The following TNR variants were observed in gnomAD, a reference collection of about 807,000 sequenced individuals.
TNR encodes the protein tenascin R, also known as tenascin-R.
TNR carries 45 observed loss-of-function variants against 150.4 expected under a neutral mutation model. The observed-to-expected ratio is 0.30, with a 90% CI of 0.24 to 0.38. TNR has a LOEUF of 0.38. TNR is among the 10% of genes least tolerant of loss of function. The probability of loss-of-function intolerance (pLI) is 1.00; values close to 1 mark genes in which losing one functional copy is unlikely to be tolerated. For missense variants in TNR, 1,544 were observed against 1,759.1 expected (o/e 0.88, Z 2.19); for synonymous variants, 687 against 678.4 (o/e 1.01, Z -0.20).
chr1:175,429,746 A>G (rs1199972315), intron 2 of TNR, among the ~76,000 whole-genome samples: 1 of 152,168 alleles, frequency 6.6e-6, no homozygotes, highest in African/African-American at 2.4e-5. Flanking sequence ...ATGGAAGAAG[A>G]GTTTTGTATA....
intron 2 of TNR, among the ~76,000 whole-genome samples, chr1:175,467,838 CA>C (rs1185609350): frequency 6.6e-6 from 1 of 152,032 alleles, no homozygotes; most frequent in African/African-American, 2.4e-5. Context: ...CTCCATTGGG[CA>C]AAGAAATTAC....
At chr1:175,468,988 T>C (rs1657157122) in intron 2 of TNR, among the ~76,000 whole-genome samples, 1 of 151,816 alleles carries the variant, frequency 6.6e-6, no homozygotes, top group South Asian at 2.1e-4. Flanking sequence ...TTGAGAGATA[T>C]TTAGGAAGTA....
chr1:175,355,677 T>A (rs1208334634), intron 16 of TNR, 44 bp from the exon 17 acceptor site: 1 of 1,609,474 alleles, frequency 6.2e-7, no homozygotes, highest in Non-Finnish European at 8.5e-7. Flanking sequence ...CCTCTCCAGC[T>A]CCTCCCCCTG....
chr1:175,682,841 A>T (rs114665144), intron 1 of TNR, among the ~76,000 whole-genome samples: 131 of 152,260 alleles, frequency 8.6e-4, no homozygotes, highest in African/African-American at 3.0e-3. Flanking sequence ...CGCACTCTAC[A>T]TGGGTGCTGG....
rs996368473 is a variant in TNR, at chr1:175,635,518, C to T, written c.-164-107149G>A. The stretch of plus-strand genomic sequence containing the variant: ...TTTATCAAGTGCTTGGCAGGAGATA[C>T]GAAGTAGCAAGGAGGTAATTATCTT... On this transcript the variant is annotated intron_variant, in intron 1 of 22. Transcript: ENST00000367674. Among the ~76,000 whole-genome samples the T allele has an allele frequency of 3.9e-5, 6 of 152,234 alleles. No individual in the cohort carries two copies. The South Asian group carries it at 6.2e-4, about 16-fold the overall frequency.
intron 1 of TNR, among the ~76,000 whole-genome samples, chr1:175,634,480 C>T (rs1224990524): frequency 6.6e-6 from 1 of 152,188 alleles, no homozygotes; most frequent in Non-Finnish European, 1.5e-5. Flanking sequence ...GTCTGACTAT[C>T]TCAGATGAGT....
At chr1:175,366,195 A>T in intron 10 of TNR, 57 bp from the exon 11 acceptor site, 2 of 1,518,012 alleles carry the variant, frequency 1.3e-6, no homozygotes, top group Non-Finnish European at 8.9e-7. Context: ...GGCAGTATTT[A>T]TTGGCCTGCT....
chr1:175,640,223 G>A (rs915612687), intron 1 of TNR, among the ~76,000 whole-genome samples: 1 of 152,196 alleles, frequency 6.6e-6, no homozygotes, highest in Non-Finnish European at 1.5e-5. Flanking sequence ...AAAGTTCTGG[G>A]ACCACAGAAT....
intron 1 of TNR, among the ~76,000 whole-genome samples, chr1:175,537,605 C>T (rs185811705): frequency 1.1e-4 from 16 of 152,294 alleles, no homozygotes; most frequent in Admixed American, 4.6e-4. Flanking sequence ...ATCATCATCT[C>T]CCCCGGATCT....
intron 1 of TNR, among the ~76,000 whole-genome samples, chr1:175,662,679 T>C (rs1223754618): frequency 6.6e-6 from 1 of 152,234 alleles, no homozygotes; most frequent in Non-Finnish European, 1.5e-5. Flanking sequence ...GTCTGTAACC[T>C]GTCCTCAGGA....
intron 1 of TNR, among the ~76,000 whole-genome samples, chr1:175,719,569 G>C (rs549359630): frequency 7.2e-5 from 11 of 152,334 alleles, no homozygotes; most frequent in African/African-American, 2.6e-4. Context: ...ACTTAGAATT[G>C]TCCTGGGATG....
chr1:175,676,922 G>A (rs987727197), intron 1 of TNR, among the ~76,000 whole-genome samples: 4 of 152,316 alleles, frequency 2.6e-5, no homozygotes, highest in Non-Finnish European at 2.9e-5. Flanking sequence ...ACCCTCCTGC[G>A]ACACTGGGAG....
intron 8 of TNR, among the ~76,000 whole-genome samples, chr1:175,383,012 C>T (rs1441515837): frequency 6.6e-6 from 1 of 152,146 alleles, no homozygotes; most frequent in Non-Finnish European, 1.5e-5. Flanking sequence ...CCTCTCCTAG[C>T]TGCTAGTGAT....
intron 1 of TNR, among the ~76,000 whole-genome samples, chr1:175,585,246 G>T (rs1208801651): frequency 2.0e-5 from 3 of 152,142 alleles, no homozygotes; most frequent in African/African-American, 7.2e-5. Context: ...TTTGCCTAAG[G>T]TCATATAACT....
In TNR at chr1:175,396,738, G is replaced by A. The variant is rs1364498033; in HGVS notation, c.1046C>T (p.Pro349Leu). 5 of 1,614,138 alleles carry A rather than the reference G, an allele frequency of 3.1e-6. No individual in the cohort carries two copies. Among genetic ancestry groups the A allele is most frequent in the Admixed American group, 3.3e-5 (2 of 60,016 alleles). Residue 349 changes from proline to leucine, a missense_variant, in exon 5 of 23, where the codon CCG becomes CTG. By Grantham distance (98) the Pro-to-Leu change is moderately conservative. This residue lies in a region of TNR where 1,254 missense variants were observed against 1,329.4 expected (regional missense o/e 0.94). Transcript: ENST00000367674. Reference protein sequence around the residue: ...DRSIELEWDGPMAVTEYVISY... With the variant: ...DRSIELEWDGLMAVTEYVISY... The stretch of plus-strand genomic sequence containing the variant: ...GATCACATATTCCGTCACTGCCATC[G>A]GCCCGTCCCATTCCAGCTCAATGGA...
chr1:175,696,674 G>A (rs1666536409), intron 1 of TNR, among the ~76,000 whole-genome samples: 1 of 152,174 alleles, frequency 6.6e-6, no homozygotes, highest in Non-Finnish European at 1.5e-5. Flanking sequence ...GTGGTCGGGA[G>A]TTTGAGACCA....
intron 2 of TNR, among the ~76,000 whole-genome samples, chr1:175,446,557 C>T (rs73042494): frequency 0.021 from 3,170 of 152,134 alleles, 112 homozygotes; most frequent in African/African-American, 0.072. Context: ...ATAGATCCAT[C>T]GACAGATATG....
At chr1:175,742,191 A>T (rs1041493946) in intron 1 of TNR, among the ~76,000 whole-genome samples, 24 of 152,204 alleles carry the variant, frequency 1.6e-4, no homozygotes, top group African/African-American at 5.1e-4. Context: ...AGCAGGAGAG[A>T]CAGAGTAATA....
intron 1 of TNR, among the ~76,000 whole-genome samples, chr1:175,603,916 G>A (rs1460013333): frequency 6.6e-6 from 1 of 152,182 alleles, no homozygotes; most frequent in Non-Finnish European, 1.5e-5. Context: ...TTCCAGCTTG[G>A]TCAACACAGA....
Sources: gnomAD v4.1 joint callset for allele counts (sites outside exome capture counted in the v4.1 genomes callset) on GRCh38, gnomAD v4.1.1 for gene constraint, gnomAD v4.1.1 regional missense constraint, MANE v1.5 for transcripts, NCBI Gene and HGNC (gene_info 2026-07-23, HGNC 2026-07-21) for gene names.